The following ZDHHC14 variants were observed in gnomAD, a reference collection of about 807,000 sequenced individuals.
ZDHHC14 encodes zDHHC palmitoyltransferase 14.
A neutral mutation model predicts 47.7 loss-of-function variants in ZDHHC14; 16 were observed. The ratio of observed to expected loss-of-function variants is 0.34; its 90% CI spans 0.23 to 0.51. The LOEUF (loss-of-function observed/expected upper bound fraction) is 0.51. ZDHHC14 is among the 20% of genes least tolerant of loss of function. The probability of loss-of-function intolerance (pLI) is 0.97; values close to 1 mark genes in which losing one functional copy is unlikely to be tolerated. For missense variants in ZDHHC14, 515 were observed against 662.5 expected (o/e 0.78, Z 2.44); for synonymous variants, 293 against 278.9 (o/e 1.05, Z -0.50).
chr6:157,561,638 C>T (rs1257336445), intron 2 of ZDHHC14, among the ~76,000 whole-genome samples: 1 of 152,180 alleles, frequency 6.6e-6, no homozygotes, highest in Non-Finnish European at 1.5e-5. Flanking sequence ...TGCTCTCACC[C>T]AGACCTCTTG....
At chr6:157,534,394 G>A (rs916078962) in intron 1 of ZDHHC14, among the ~76,000 whole-genome samples, 7 of 152,282 alleles carry the variant, frequency 4.6e-5, no homozygotes, top group Admixed American at 1.3e-4. Flanking sequence ...ACCAGGACTC[G>A]AATGGGAAAT....
intron 2 of ZDHHC14, among the ~76,000 whole-genome samples, chr6:157,569,918 A>G (rs1041490424): frequency 5.3e-5 from 8 of 152,134 alleles, no homozygotes; most frequent in African/African-American, 1.7e-4. Flanking sequence ...AAGCTTGTAT[A>G]TATATTGGTT....
intron 1 of ZDHHC14, among the ~76,000 whole-genome samples, chr6:157,392,699 C>G (rs1777440262): frequency 6.6e-6 from 1 of 151,596 alleles, no homozygotes; most frequent in South Asian, 2.1e-4. Context: ...TCCAATCCTT[C>G]TATCTGTAGA....
At chr6:157,464,601 T>G (rs1779163291) in intron 1 of ZDHHC14, among the ~76,000 whole-genome samples, 1 of 152,210 alleles carries the variant, frequency 6.6e-6, no homozygotes, top group Non-Finnish European at 1.5e-5. Flanking sequence ...TGGTCCAGAT[T>G]AACTGCTTTT....
At chr6:157,459,210 G>A (rs1779006896) in intron 1 of ZDHHC14, among the ~76,000 whole-genome samples, 1 of 152,102 alleles carries the variant, frequency 6.6e-6, no homozygotes, top group Non-Finnish European at 1.5e-5. Flanking sequence ...GTTGATGAAA[G>A]AACATTCTGG....
intron 1 of ZDHHC14, among the ~76,000 whole-genome samples, chr6:157,416,711 A>C (rs1023527728): frequency 6.8e-6 from 1 of 146,902 alleles, no homozygotes; most frequent in African/African-American, 2.5e-5. Context: ...AACGTAGTAC[A>C]TGCTATGGTA....
intron 2 of ZDHHC14, among the ~76,000 whole-genome samples, chr6:157,590,851 G>T (rs1044678629): frequency 2.6e-5 from 4 of 152,230 alleles, no homozygotes; most frequent in African/African-American, 9.6e-5. Flanking sequence ...GTTGGGAGGG[G>T]GGTTGTACCC....
intron 1 of ZDHHC14, among the ~76,000 whole-genome samples, chr6:157,499,441 A>G (rs1331056695): frequency 1.3e-5 from 2 of 150,992 alleles, no homozygotes; most frequent in East Asian, 3.9e-4. Flanking sequence ...ATGGGGCCCC[A>G]CACTTATGAT....
chr6:157,399,681 G>T (rs909707153), intron 1 of ZDHHC14, among the ~76,000 whole-genome samples: 11 of 152,232 alleles, frequency 7.2e-5, no homozygotes, highest in African/African-American at 2.4e-4. Context: ...GTTGACCCCG[G>T]CAAGGGCTCT....
At chr6:157,498,520 A>G (rs1780123847) in intron 1 of ZDHHC14, among the ~76,000 whole-genome samples, 1 of 152,186 alleles carries the variant, frequency 6.6e-6, no homozygotes, top group Non-Finnish European at 1.5e-5. Flanking sequence ...GCAAGTCCAA[A>G]TCAGTGACTC....
chr6:157,454,581 G>A (rs1194122004), intron 1 of ZDHHC14, among the ~76,000 whole-genome samples: 1 of 149,606 alleles, frequency 6.7e-6, no homozygotes, highest in African/African-American at 2.5e-5. Context: ...GCTCACTGCA[G>A]CCTTGAACTC....
intron 1 of ZDHHC14, among the ~76,000 whole-genome samples, chr6:157,504,428 G>A (rs1473421531): frequency 7.4e-5 from 11 of 149,652 alleles, no homozygotes; most frequent in Admixed American, 4.7e-4. Flanking sequence ...GATTACAGGC[G>A]TGAGCCACCG....
chr6:157,449,407 A>T (rs1348262306), intron 1 of ZDHHC14, among the ~76,000 whole-genome samples: 1 of 152,256 alleles, frequency 6.6e-6, no homozygotes, highest in African/African-American at 2.4e-5. Context: ...TAATTTACAT[A>T]AAATAAAATT....
chr6:157,672,897 C>T lies in ZDHHC14; in HGVS notation c.1242C>T (p.Ser414=), dbSNP rs758320173. The change falls in exon 9 of 9, where the codon TCC becomes TCT. Residue 414 remains serine, a synonymous_variant. Transcript: ENST00000359775. The stretch of plus-strand genomic sequence containing the variant: ...TGGGCCCGCCCACACCGCCCGCCTC[C>T]ATGCCCAACCTCGCCGAGGCCACGC... ...LTLGPPTPPA[S]MPNLAEATLA... 1.2e-6 allele frequency: 2 copies of T among 1,606,664 alleles called. No individual in the cohort carries two copies. The highest frequency in any genetic ancestry group is 1.7e-6 in the Non-Finnish European group (2 of 1,177,728).
chr6:157,628,999 A>C (rs1040496451), intron 4 of ZDHHC14, among the ~76,000 whole-genome samples: 4 of 152,222 alleles, frequency 2.6e-5, no homozygotes, highest in African/African-American at 7.2e-5. Context: ...CTTGCACACA[A>C]ATCTATATAG....
chr6:157,614,681 C>T (rs1263006274), intron 3 of ZDHHC14, among the ~76,000 whole-genome samples: 143 of 152,084 alleles, frequency 9.4e-4, no homozygotes, highest in African/African-American at 4.8e-5. Flanking sequence ...TTAGCAGGGC[C>T]GGGGTCACCA....
chr6:157,386,764 G>A (rs969050630), intron 1 of ZDHHC14, among the ~76,000 whole-genome samples: 1 of 152,202 alleles, frequency 6.6e-6, no homozygotes, highest in African/African-American at 2.4e-5. Flanking sequence ...TCTATGCGAT[G>A]TCGTCATTCT....
rs1387791117 is a variant in ZDHHC14 at position 157,427,730 on chromosome 6, T to G, written c.245+45464T>G. ...ATGGCAGATGCGCTAGGGCTGTTCCTCCTGGAGTAGTGGGAGTCAGAAACA... is the reference window on the plus strand; with the variant it reads ...ATGGCAGATGCGCTAGGGCTGTTCCGCCTGGAGTAGTGGGAGTCAGAAACA... On this transcript the variant is annotated intron_variant, in intron 1 of 8. Transcript: ENST00000359775. This position sits in a 1 kb window ranked among gnomAD's most constrained non-coding sequence, Gnocchi z 4.4. 2.0e-5 allele frequency among the ~76,000 whole-genome samples: 3 copies of G among 152,092 alleles called. No homozygotes were observed. The highest frequency in any genetic ancestry group is 4.4e-5 in the Non-Finnish European group (3 of 68,016).
rs148026713 is a variant in ZDHHC14 at position 157,534,598 on chromosome 6, C to T, written c.246-7987C>T. ...CATTTCATTTCATTTCATTTCATTT[C>T]ATGTTTTTGAGACAGGGTCTGGCTC... On this transcript the variant is annotated intron_variant, in intron 1 of 8. Coordinates refer to ENST00000359775, the MANE Select transcript of ZDHHC14 (RefSeq NM_024630.3). Among the ~76,000 whole-genome samples the T allele has an allele frequency of 7.4e-5, 9 of 121,166 alleles. No homozygotes were observed. In the East Asian group the frequency reaches 2.0e-3, roughly 27 times the overall value. The allele number at this position is 121,166 out of a possible 152,430, so 79.5% of individuals were successfully genotyped here.
Sources: allele counts gnomAD v4.1 joint callset (sites outside exome capture counted in the v4.1 genomes callset), GRCh38; gene constraint gnomAD v4.1.1; non-coding constraint Gnocchi (gnomAD v3.1); transcripts MANE v1.5; gene names NCBI Gene and HGNC (gene_info 2026-07-23, HGNC 2026-07-21).